Variants in TSPAN12 observed in about 807,000 individuals in gnomAD.
The protein encoded by TSPAN12 is tetraspanin 12, also known as tetraspanin-12.
Under a neutral mutation model 39.2 loss-of-function variants are expected in TSPAN12, and 19 were observed. The observed-to-expected ratio is 0.49, with a 90% CI of 0.34 to 0.71. The LOEUF is 0.71. Ranked by LOEUF, TSPAN12 falls within the 30% of genes least tolerant of loss-of-function variation. The pLI is 0.01. For synonymous variants in TSPAN12, 119 were observed against 124.8 expected (o/e 0.95, Z 0.31); for missense variants, 314 against 359.9 (o/e 0.87, Z 1.03).
At chr7:120,808,049 T>G (rs1793909485) in intron 6 of TSPAN12, among the ~76,000 whole-genome samples, 1 of 152,084 alleles carries the variant, frequency 6.6e-6, no homozygotes, top group Admixed American at 6.6e-5. Context: ...AAGGTTAACT[T>G]TCCAAGTCCA....
intron 2 of TSPAN12, among the ~76,000 whole-genome samples, chr7:120,854,191 T>C (rs1237563304): frequency 1.3e-5 from 2 of 152,208 alleles, no homozygotes; most frequent in South Asian, 2.1e-4. Flanking sequence ...ACAAATATTT[T>C]TGTACATATA....
chr7:120,834,557 C>T (rs781451735), intron 4 of TSPAN12, among the ~76,000 whole-genome samples: 1 of 152,120 alleles, frequency 6.6e-6, no homozygotes, highest in Non-Finnish European at 1.5e-5. Flanking sequence ...TTTGCTTGAA[C>T]AGCAAAACAG....
chr7:120,846,954 C>T (rs769206640), intron 2 of TSPAN12, among the ~76,000 whole-genome samples: 16 of 151,998 alleles, frequency 1.1e-4, no homozygotes, highest in Admixed American at 6.6e-5. Flanking sequence ...AAAGGCCCCA[C>T]GAGGGAAGGC....
At chr7:120,855,755 C>A (rs2116517168) in intron 2 of TSPAN12, among the ~76,000 whole-genome samples, 1 of 152,142 alleles carries the variant, frequency 6.6e-6, no homozygotes, top group South Asian at 2.1e-4. Flanking sequence ...TTCTAGAGAC[C>A]ACATGTAATA....
intron 2 of TSPAN12, among the ~76,000 whole-genome samples, chr7:120,846,781 G>T (rs977106657): frequency 1.3e-5 from 2 of 152,174 alleles, no homozygotes; most frequent in African/African-American, 4.8e-5. Context: ...TGTAACAAGC[G>T]CTGAGAAGAC....
intron 2 of TSPAN12, among the ~76,000 whole-genome samples, chr7:120,842,639 C>T (rs1015153416): frequency 3.9e-5 from 6 of 152,050 alleles, no homozygotes; most frequent in Admixed American, 1.3e-4. Context: ...AAACACTACC[C>T]TACACAGCAT....
chr7:120,845,999 G>A (rs1350445205), intron 2 of TSPAN12, among the ~76,000 whole-genome samples: 1 of 152,166 alleles, frequency 6.6e-6, no homozygotes, highest in Non-Finnish European at 1.5e-5. Flanking sequence ...TTGGCTTATG[G>A]TTCCACAGGA....
chr7:120,807,416 A>G (rs1793895702), intron 6 of TSPAN12, among the ~76,000 whole-genome samples: 1 of 152,104 alleles, frequency 6.6e-6, no homozygotes, highest in African/African-American at 2.4e-5. Context: ...GTCTCTGATC[A>G]AGGTTTGGAA....
intron 4 of TSPAN12, 41 bp from the exon 5 acceptor site, chr7:120,815,844 T>C (rs1794070080): frequency 1.3e-6 from 2 of 1,548,182 alleles, no homozygotes; most frequent in African/African-American, 2.7e-5. Flanking sequence ...AGTATCAGAA[T>C]AAAATAGGCT....
chr7:120,799,548 ATATATAATTAAATATAATTATT>A (rs1318754882), intron 7 of TSPAN12, among the ~76,000 whole-genome samples: 1 of 114,620 alleles, frequency 8.7e-6, no homozygotes, highest in African/African-American at 3.4e-5. Context: ...ATATAATTAT[ATATATAATTAAATATAATTATT>A]TATATAATTA....
chr7:120,837,709 A>G (rs1794505207), intron 4 of TSPAN12, among the ~76,000 whole-genome samples: 1 of 152,226 alleles, frequency 6.6e-6, no homozygotes, highest in Non-Finnish European at 1.5e-5. Context: ...CACAGGTTAT[A>G]CTGTGAAATT....
Position 120,856,811 on chromosome 7 carries a change from C to G in TSPAN12, c.-48G>C. ...CCCCATCCTTTCACCACATCCTACT[C>G]CCAAGGGCAAAACGGCAGCGATCTG... On this transcript the variant is annotated 5_prime_UTR_variant, in exon 2 of 8. Transcript: ENST00000222747. 1 of 1,606,428 alleles carries G rather than the reference C, an allele frequency of 6.2e-7. No individual in the cohort carries two copies.
rs191254976 is a variant in TSPAN12 at position 120,796,107 on chromosome 7, C to G, written c.613-7210G>C. Among the ~76,000 whole-genome samples the G allele has an allele frequency of 9.0e-4, 137 of 152,272 alleles. No individual in the cohort carries two copies. In the Middle Eastern group the frequency reaches 0.02, roughly 23 times the overall value. ...TTACAAAGAGGCTAGAGTCAGAAAACCTGGAAGGCTTCTTGCTCACTAGTG... is the reference window on the plus strand; with the variant it reads ...TTACAAAGAGGCTAGAGTCAGAAAAGCTGGAAGGCTTCTTGCTCACTAGTG... On this transcript the variant is annotated intron_variant, in intron 7 of 7. Transcript: ENST00000222747.
At chr7:120,792,369 C>G (rs1414685734) in intron 7 of TSPAN12, among the ~76,000 whole-genome samples, 1 of 152,194 alleles carries the variant, frequency 6.6e-6, no homozygotes, top group Non-Finnish European at 1.5e-5. Flanking sequence ...CAGGAGGTTA[C>G]CAACGACAGT....
At chr7:120,811,913 G>C (rs1294994151) in intron 5 of TSPAN12, among the ~76,000 whole-genome samples, 1 of 151,932 alleles carries the variant, frequency 6.6e-6, no homozygotes, top group Non-Finnish European at 1.5e-5. Flanking sequence ...AGGATGGGAG[G>C]GGGACGAGGG....
At position 120,806,653 on chromosome 7, in the gene TSPAN12, C is replaced by T; in HGVS notation, c.508G>A (p.Glu170Lys). ...CGVVYFTDWLEMTEMDWPPDS... is the reference protein window; with the variant it reads ...CGVVYFTDWLKMTEMDWPPDS... The stretch of plus-strand genomic sequence containing the variant: ...GGGGGCCAGTCCATCTCTGTCATTT[C>T]CAACCAGTCAGTGAAATATACTACT... Residue 170 changes from glutamate (E) to lysine (K), a missense_variant, in exon 7 of 8, where the codon GAA (glutamate) becomes AAA (lysine). Transcript: ENST00000222747. 6.2e-7 allele frequency: 1 copy of T among 1,613,480 alleles called. No individual in the cohort carries two copies. The highest frequency in any genetic ancestry group is 8.5e-7 in the Non-Finnish European group (1 of 1,179,582).
chr7:120,828,491 T>C (rs1195924275), intron 4 of TSPAN12, among the ~76,000 whole-genome samples: 2 of 152,090 alleles, frequency 1.3e-5, no homozygotes, highest in African/African-American at 4.8e-5. Context: ...CCACCAGCCT[T>C]TGGGTCCTCC....
intron 2 of TSPAN12, 131 bp downstream of exon 2, chr7:120,856,567 C>T (rs912658825): frequency 5.3e-6 from 5 of 943,660 alleles, no homozygotes; most frequent in African/African-American, 1.6e-5. Flanking sequence ...AATTTTACTT[C>T]TCTGAAAAAT....
At chr7:120,829,315 C>G (rs891010058) in intron 4 of TSPAN12, among the ~76,000 whole-genome samples, 1 of 151,628 alleles carries the variant, frequency 6.6e-6, no homozygotes, top group Non-Finnish European at 1.5e-5. Context: ...CAAGAAAAAG[C>G]TTTCTTTAAT....
Sources: allele counts gnomAD v4.1 joint callset (sites outside exome capture counted in the v4.1 genomes callset), GRCh38; gene constraint gnomAD v4.1.1; transcripts MANE v1.5; gene names NCBI Gene and HGNC (gene_info 2026-07-23, HGNC 2026-07-21).